UBE3A: variants seen among roughly 807,000 people sequenced by gnomAD.
The protein encoded by UBE3A is ubiquitin-protein ligase E3A.
In UBE3A, 6 loss-of-function variants were observed where a neutral mutation model predicts 83.4. That is an observed-to-expected ratio of 0.07 (90% confidence interval 0.04 to 0.14). The LOEUF is 0.14. UBE3A is among the 10% of genes least tolerant of loss of function. UBE3A has a pLI of 1.00. For missense variants in UBE3A, 456 were observed against 1,036.1 expected, an observed-to-expected ratio of 0.44 and a Z score of 7.69; for synonymous variants, 337 against 355.4, an observed-to-expected ratio of 0.95 and a Z score of 0.58.
At chr15:25,373,791 T>C (rs1260079425) in intron 5 of UBE3A, 2 of 152,182 alleles carry the variant, frequency 1.3e-5, no homozygotes, top group African/African-American at 2.4e-5. Flanking sequence ...GTGTTTAATA[T>C]GTTAAACTGA....
chr15:25,393,856 T>A (rs765151531), intron 4 of UBE3A: 3 of 152,206 alleles, frequency 2.0e-5, no homozygotes, highest in Non-Finnish European at 4.4e-5. Flanking sequence ...TGGGCTCCTG[T>A]GTCTGTCAGA....
Position 25,401,103 on chromosome 15 carries a change from A to G in UBE3A, c.62+4358T>C, listed in dbSNP as rs564356848. 5.9e-5 allele frequency among the ~76,000 whole-genome samples: 9 copies of G among 152,292 alleles called. No homozygotes were observed. In the South Asian group the frequency reaches 1.4e-3, roughly 25 times the overall value. On this transcript the variant is annotated intron_variant, in intron 4 of 12. Coordinates refer to ENST00000648336, the MANE Select transcript of UBE3A (RefSeq NM_130839.5). The stretch of plus-strand genomic sequence containing the variant: ...TTGGCCTTTGTTCTCCTAATGTTGT[A>G]TATCACATTTTATGGATTCAGGTCT...
At chr15:25,430,747 T>C (rs1893215069) in intron 1 of UBE3A, among the ~76,000 whole-genome samples, 1 of 152,130 alleles carries the variant, frequency 6.6e-6, no homozygotes, top group South Asian at 2.1e-4. Flanking sequence ...GAGCAAACAT[T>C]TACTGTTTTC....
At chr15:25,434,684 C>T (rs766863394) in intron 1 of UBE3A, among the ~76,000 whole-genome samples, 4 of 152,080 alleles carry the variant, frequency 2.6e-5, no homozygotes, top group Non-Finnish European at 4.4e-5. Context: ...ACTATTCATC[C>T]CAAAAGGTAG....
At chr15:25,428,525 A>G (rs1218930543) in intron 1 of UBE3A, among the ~76,000 whole-genome samples, 1 of 152,204 alleles carries the variant, frequency 6.6e-6, no homozygotes, top group Non-Finnish European at 1.5e-5. Flanking sequence ...GCTGCACTGT[A>G]AAGTAAGAAG....
At chr15:25,373,140 C>T (rs1265585648) in intron 5 of UBE3A, among the ~76,000 whole-genome samples, 1 of 152,122 alleles carries the variant, frequency 6.6e-6, no homozygotes, top group Non-Finnish European at 1.5e-5. Flanking sequence ...ACCTCTTCCC[C>T]AAAAGCATAA....
At chr15:25,387,158 T>G (rs1245658600) in intron 4 of UBE3A, among the ~76,000 whole-genome samples, 2 of 152,206 alleles carry the variant, frequency 1.3e-5, no homozygotes, top group East Asian at 3.9e-4. Flanking sequence ...ACACAACTTA[T>G]CCAAATTTGT....
intron 11 of UBE3A, chr15:25,345,566 TCACACACACACA>T (rs57252199): frequency 3.4e-5 from 5 of 148,286 alleles, no homozygotes; most frequent in South Asian, 2.1e-4. Flanking sequence ...CTCATTTCAC[TCACACACACACA>T]CACACACACA....
intron 1 of UBE3A, among the ~76,000 whole-genome samples, chr15:25,426,326 C>A (rs1432011994): frequency 6.6e-6 from 1 of 152,158 alleles, no homozygotes; most frequent in Admixed American, 6.5e-5. Context: ...GACATCTGTA[C>A]CATATAGTCC....
intron 12 of UBE3A, chr15:25,339,537 T>C (rs528650221): frequency 3.2e-6 from 1 of 308,878 alleles, no homozygotes; most frequent in South Asian, 3.9e-5. Context: ...TTCATTTAAC[T>C]AAATCTTTCC....
chr15:25,344,312 A>C (rs371084237), intron 11 of UBE3A, among the ~76,000 whole-genome samples: 4 of 152,192 alleles, frequency 2.6e-5, no homozygotes, highest in South Asian at 2.1e-4. Flanking sequence ...ATGTGGGATG[A>C]TTCTCAGGAT....
intron 11 of UBE3A, 79 bp downstream of exon 11, chr15:25,354,274 C>T (rs751319640): frequency 1.1e-4 from 144 of 1,278,030 alleles, no homozygotes; most frequent in Non-Finnish European, 1.5e-4. Context: ...GGAATTAGTA[C>T]CTAGAGATAA....
Position 25,370,465 on chromosome 15 carries a change from G to A in UBE3A, c.1608+101C>T, listed in dbSNP as rs548636175. The stretch of plus-strand genomic sequence containing the variant: ...ATCAGAAATGTCCATGTGTTCCTAT[G>A]CTATATGGTATCATTTTTTTCAGTC... On this transcript the variant is annotated intron_variant, in intron 6 of 12. Coordinates refer to ENST00000648336, the MANE Select transcript of UBE3A (RefSeq NM_130839.5). This position sits in a 1 kb window ranked among gnomAD's most constrained non-coding sequence, Gnocchi z 4.2. The A allele has an allele frequency of 1.5e-4, 202 of 1,363,440 alleles. 1 individual carries two copies. The African/African-American group carries it at 2.6e-3, about 18-fold the overall frequency. The allele number at this position is 1,363,440 out of a possible 1,614,324, so 84.5% of individuals were successfully genotyped here. A position where few individuals can be genotyped will look rare whatever the true frequency, so the allele number is the denominator to read the frequency against.
At chr15:25,341,354 A>C (rs546593722) in intron 11 of UBE3A, among the ~76,000 whole-genome samples, 17 of 152,000 alleles carry the variant, frequency 1.1e-4, no homozygotes, top group African/African-American at 3.9e-4. Flanking sequence ...TGCAGGCATG[A>C]GCCACCGCGC....
At chr15:25,349,949 C>A (rs1416342899) in intron 11 of UBE3A, among the ~76,000 whole-genome samples, 2 of 152,120 alleles carry the variant, frequency 1.3e-5, no homozygotes, top group Non-Finnish European at 2.9e-5. Context: ...CCATGTTACT[C>A]AGAATAGCAT....
chr15:25,371,448 T>G lies in UBE3A; in HGVS notation c.726A>C (p.Arg242Ser). The G allele has an allele frequency of 1.2e-6, 2 of 1,614,122 alleles. No homozygotes were observed. The highest frequency in any genetic ancestry group is 1.1e-5 in the South Asian group (1 of 91,074). Residue 242 changes from arginine (R) to serine (S), a missense_variant, in exon 6 of 13, where the codon AGA becomes AGC. Transcript: ENST00000648336. This position sits in a 1 kb window ranked among gnomAD's most constrained non-coding sequence, Gnocchi z 5.3. The stretch of plus-strand genomic sequence containing the variant: ...TTTCAATTTTTTCATTAGAGAGCAA[T>G]CTGGTGTAGACCCTTCTAATGGCAT... ...DIDAIRRVYT[R>S]LLSNEKIETA... is the part of the protein sequence containing the mutation.
At chr15:25,393,865 GAAGA>G (rs1259321274) in intron 4 of UBE3A, 1 of 152,168 alleles carries the variant, frequency 6.6e-6, no homozygotes, top group Non-Finnish European at 1.5e-5. Flanking sequence ...GTGTCTGTCA[GAAGA>G]AAGCAAAGGG....
chr15:25,363,981 C>T (rs1213692508), intron 6 of UBE3A, among the ~76,000 whole-genome samples: 1 of 151,196 alleles, frequency 6.6e-6, no homozygotes, highest in African/African-American at 2.4e-5. Flanking sequence ...TGCCTGAGCC[C>T]AGCAGTTTGA....
chr15:25,431,015 T>G (rs916032403), intron 1 of UBE3A, among the ~76,000 whole-genome samples: 1 of 152,222 alleles, frequency 6.6e-6, no homozygotes, highest in Admixed American at 6.5e-5. Flanking sequence ...TATGCATGAT[T>G]TGAAATGCAG....
Sources: allele counts gnomAD v4.1 joint callset (sites outside exome capture counted in the v4.1 genomes callset), GRCh38; gene constraint gnomAD v4.1.1; non-coding constraint Gnocchi (gnomAD v3.1); transcripts MANE v1.5; gene names NCBI Gene and HGNC (gene_info 2026-07-23, HGNC 2026-07-21).